CNTN5: variants seen among roughly 807,000 people sequenced by gnomAD.
The protein encoded by CNTN5 is contactin-5.
A neutral mutation model predicts 129.1 loss-of-function variants in CNTN5; 77 were observed. The ratio of observed to expected loss-of-function variants is 0.60; its 90% CI spans 0.50 to 0.72. The LOEUF (loss-of-function observed/expected upper bound fraction) is 0.72, where lower values mean the gene tolerates loss of function less well. Among genes scored for constraint, CNTN5 ranks in the 30% least tolerant of loss-of-function variants. CNTN5 has a pLI of 0.00. For missense variants in CNTN5, 1,478 were observed against 1,328.8 expected (o/e 1.11, Z -1.75); for synonymous variants, 509 against 465.6 (o/e 1.09, Z -1.20).
At chr11:100,348,434 A>T (rs957061888) in intron 23 of CNTN5, among the ~76,000 whole-genome samples, 1 of 151,938 alleles carries the variant, frequency 6.6e-6, no homozygotes, top group Non-Finnish European at 1.5e-5. Context: ...CCACTAACTG[A>T]TTTTTTCCCC....
At chr11:100,213,784 G>A (rs1343920099) in intron 15 of CNTN5, among the ~76,000 whole-genome samples, 1 of 152,158 alleles carries the variant, frequency 6.6e-6, no homozygotes, top group African/African-American at 2.4e-5. Flanking sequence ...ACATTGATGT[G>A]TTTTAATTGC....
chr11:100,229,106 C>A (rs1188492776), intron 16 of CNTN5, among the ~76,000 whole-genome samples: 1 of 152,056 alleles, frequency 6.6e-6, no homozygotes, highest in Non-Finnish European at 1.5e-5. Flanking sequence ...AGCATGTTAG[C>A]AAACAGAGGG....
At chr11:99,125,036 A>AT (rs550400331) in intron 1 of CNTN5, among the ~76,000 whole-genome samples, 209 of 152,184 alleles carry the variant, frequency 1.4e-3, no homozygotes, top group Admixed American at 3.8e-3. Flanking sequence ...CTAGAGATGT[A>AT]TAAAAAAAAG....
chr11:99,407,717 G>T (rs1340521551), intron 2 of CNTN5, among the ~76,000 whole-genome samples: 1 of 152,138 alleles, frequency 6.6e-6, no homozygotes, highest in Non-Finnish European at 1.5e-5. Flanking sequence ...TAGTGGCAAG[G>T]CTTGTGGGAA....
intron 2 of CNTN5, among the ~76,000 whole-genome samples, chr11:99,408,454 GAAAGAAAGAA>G (rs1565557937): frequency 1.6e-4 from 21 of 127,640 alleles, no homozygotes; most frequent in Admixed American, 4.0e-4. Flanking sequence ...GAAAGAGAAA[GAAAGAAAGAA>G]AGAAAGAAAG....
At chr11:99,217,041 C>T (rs945498568) in intron 1 of CNTN5, among the ~76,000 whole-genome samples, 1 of 151,908 alleles carries the variant, frequency 6.6e-6, no homozygotes, top group African/African-American at 2.4e-5. Context: ...AAATTAGCCA[C>T]GTGTGGCATG....
At chr11:99,809,390 T>C (rs1389492171) in intron 3 of CNTN5, among the ~76,000 whole-genome samples, 1 of 152,200 alleles carries the variant, frequency 6.6e-6, no homozygotes, top group African/African-American at 2.4e-5. Context: ...AAAGATTGTA[T>C]GTTTTATTAT....
intron 13 of CNTN5, among the ~76,000 whole-genome samples, chr11:100,090,430 T>C (rs2137989331): frequency 6.6e-6 from 1 of 150,916 alleles, no homozygotes; most frequent in South Asian, 2.1e-4. Flanking sequence ...TCTGCCTGCC[T>C]GCCTTCCTTC....
chr11:99,702,964 A>C (rs1013918846), intron 3 of CNTN5, among the ~76,000 whole-genome samples: 8 of 150,946 alleles, frequency 5.3e-5, no homozygotes, highest in Admixed American at 2.0e-4. Flanking sequence ...TTTCCCTTTT[A>C]AAATAAAGAT....
intron 18 of CNTN5, among the ~76,000 whole-genome samples, chr11:100,281,500 C>A: frequency 6.6e-6 from 1 of 152,076 alleles, no homozygotes; most frequent in Middle Eastern, 3.2e-3. Context: ...CTTTCTCTTA[C>A]TGTTTTTAGG....
chr11:100,012,759 C>T (rs937505976), intron 9 of CNTN5, among the ~76,000 whole-genome samples: 3 of 152,126 alleles, frequency 2.0e-5, no homozygotes, highest in African/African-American at 7.2e-5. Flanking sequence ...ATTCTGAATG[C>T]CCTGAAGCAT....
rs1951837307 is a variant in CNTN5 at position 99,643,311 on chromosome 11, C to T, written c.55+87042C>T. ...TGATTCTTTATATAATACACATGCA[C>T]AGAGGTAATCTGAATATAGATACAT... On this transcript the variant is annotated intron_variant, in intron 3 of 24. Transcript: ENST00000524871. 2.6e-5 allele frequency among the ~76,000 whole-genome samples: 4 copies of T among 152,174 alleles called. No homozygotes were observed. In the South Asian group the frequency reaches 8.3e-4, roughly 32 times the overall value.
intron 13 of CNTN5, among the ~76,000 whole-genome samples, chr11:100,074,797 G>A (rs1944061529): frequency 6.6e-6 from 1 of 152,146 alleles, no homozygotes; most frequent in Non-Finnish European, 1.5e-5. Context: ...ATAGGCAAAT[G>A]AGAAGTGAGC....
Position 100,148,819 on chromosome 11 carries a change from C to T in CNTN5, c.1581-42307C>T, listed in dbSNP as rs138737868. ...TCTAGCATCCTTGTCACTTATCTTG[C>T]GGTGTAAATATTTATTTGATTGTTT... On this transcript the variant is annotated intron_variant, in intron 13 of 24. Transcript: ENST00000524871. Among the ~76,000 whole-genome samples, 18 of 151,254 alleles carry T rather than the reference C, an allele frequency of 1.2e-4. No homozygotes were observed. The East Asian group carries it at 1.7e-3, about 15-fold the overall frequency.
chr11:99,379,947 G>A (rs1352377261), intron 2 of CNTN5, among the ~76,000 whole-genome samples: 1 of 151,894 alleles, frequency 6.6e-6, no homozygotes, highest in Non-Finnish European at 1.5e-5. Flanking sequence ...ATACACTTAT[G>A]TGCCATATAT....
intron 9 of CNTN5, among the ~76,000 whole-genome samples, chr11:100,023,070 T>C (rs1433214186): frequency 6.6e-6 from 1 of 152,176 alleles, no homozygotes; most frequent in Non-Finnish European, 1.5e-5. Context: ...ACCATTGTTT[T>C]TTCAAGGAAG....
chr11:99,516,808 T>A (rs1235581981), intron 2 of CNTN5, among the ~76,000 whole-genome samples: 1 of 152,154 alleles, frequency 6.6e-6, no homozygotes, highest in Non-Finnish European at 1.5e-5. Flanking sequence ...ATGTAAGAAC[T>A]TGTTTTTTCA....
chr11:99,196,083 T>C (rs1388243388), intron 1 of CNTN5, among the ~76,000 whole-genome samples: 10 of 151,860 alleles, frequency 6.6e-5, no homozygotes, highest in Admixed American at 6.6e-4. Context: ...AAGAGACAAA[T>C]TTTTAAGGTA....
At chr11:99,341,848 G>T (rs1474468155) in intron 2 of CNTN5, among the ~76,000 whole-genome samples, 1 of 152,090 alleles carries the variant, frequency 6.6e-6, no homozygotes, top group Non-Finnish European at 1.5e-5. Context: ...TCTTGAATTT[G>T]CAATTCAAGA....
Sources: gnomAD v4.1 joint callset for allele counts (sites outside exome capture counted in the v4.1 genomes callset) on GRCh38, gnomAD v4.1.1 for gene constraint, MANE v1.5 for transcripts, NCBI Gene and HGNC (gene_info 2026-07-23, HGNC 2026-07-21) for gene names.